The following MRPL37 variants were observed in gnomAD, a reference collection of about 807,000 sequenced individuals.
MRPL37 encodes the protein mitochondrial ribosomal protein L37, also known as large ribosomal subunit protein mL37.
Under a neutral mutation model 44.1 loss-of-function variants are expected in MRPL37, and 34 were observed. That is an observed-to-expected ratio of 0.77 (90% CI 0.59 to 1.03). MRPL37 has a LOEUF of 1.03. Among genes scored for constraint, MRPL37 ranks in the 50% least tolerant of loss-of-function variants. MRPL37 has a pLI of 0.00. For missense variants in MRPL37, 532 were observed against 543.7 expected (o/e 0.98, Z 0.21); for synonymous variants, 212 against 219.5 (o/e 0.97, Z 0.30).
At chr1:54,204,774 C>T (rs58923808) in intron 1 of MRPL37, among the ~76,000 whole-genome samples, 110 of 152,250 alleles carry the variant, frequency 7.2e-4, no homozygotes, top group African/African-American at 2.6e-3. Flanking sequence ...TAGTGGCAGG[C>T]GCTCACCACC....
At chr1:54,201,096 A>G (rs531007753) in intron 1 of MRPL37, among the ~76,000 whole-genome samples, 1 of 152,358 alleles carries the variant, frequency 6.6e-6, no homozygotes, top group Non-Finnish European at 1.5e-5. Context: ...TGACTTTGCC[A>G]AAACCAGCCT....
rs1240476083 is a variant in MRPL37, at chr1:54,205,142, G to A, written c.471G>A (p.Val157=). The change falls in exon 2 of 7, where the codon GTG becomes GTA. Residue 157 remains valine (V), a synonymous_variant. Coordinates refer to ENST00000360840, the MANE Select transcript of MRPL37 (RefSeq NM_016491.4). ...ACCAAGACGAGTGCGTTCTGAATGT[G>A]ATCTCTCACGCCCGTCTCTGGCAGA... ...IENQDECVLN[V]ISHARLWQTT... The A allele has an allele frequency of 6.2e-7, 1 of 1,614,124 alleles. No individual in the cohort carries two copies.
At chr1:54,216,630 G>C (rs1038396660) in intron 6 of MRPL37, among the ~76,000 whole-genome samples, 6 of 152,196 alleles carry the variant, frequency 3.9e-5, no homozygotes, top group African/African-American at 1.4e-4. Context: ...TGTAGGTGCT[G>C]CTCCTTTTGT....
chr1:54,213,713 A>G (rs1264041754), intron 5 of MRPL37, among the ~76,000 whole-genome samples: 3 of 152,222 alleles, frequency 2.0e-5, no homozygotes, highest in Admixed American at 2.0e-4. Context: ...TCAGCGTTTT[A>G]ACAAGCCCCC....
In MRPL37 at chr1:54,205,382, C is replaced by G; in HGVS notation, c.618C>G (p.Asn206Lys). ...PSLARRICVQ[N>K]STFSATWNRE... ...TGGCCAGGAGGATCTGTGTCCAAAA[C>G]TCCACGTTTTCTGCTACCTGGAACC... Residue 206 changes from asparagine (N) to lysine (K), a missense_variant, in exon 3 of 7, where the codon AAC (asparagine) becomes AAG (lysine). Transcript: ENST00000360840. The G allele has an allele frequency of 6.2e-7, 1 of 1,614,092 alleles. No homozygotes were observed. The highest frequency in any genetic ancestry group is 8.5e-7 in the Non-Finnish European group (1 of 1,179,988).
At chr1:54,217,537 G>A (rs946441413) in intron 6 of MRPL37, among the ~76,000 whole-genome samples, 1 of 152,200 alleles carries the variant, frequency 6.6e-6, no homozygotes, top group African/African-American at 2.4e-5. Context: ...GCTCCAGCCC[G>A]ATCTTGCCCT....
downstream of MRPL37, among the ~76,000 whole-genome samples, chr1:54,220,347 G>T (rs1404480002): frequency 6.6e-6 from 1 of 152,214 alleles, no homozygotes; most frequent in African/African-American, 2.4e-5. Context: ...TTGCCGGGCA[G>T]GCCTGGGCAG....
At chr1:54,203,449 G>A (rs918602298) in intron 1 of MRPL37, among the ~76,000 whole-genome samples, 6 of 150,710 alleles carry the variant, frequency 4.0e-5, no homozygotes, top group African/African-American at 1.2e-4. Flanking sequence ...TTCATGATGT[G>A]AGGTTCTACT....
In MRPL37 at chr1:54,209,933, T is replaced by G. The variant is rs772507507; in HGVS notation, c.647-13T>G. On this transcript the variant is annotated splice_polypyrimidine_tract_variant and intron_variant, in intron 3 of 6. Transcript: ENST00000360840. ...TAGTACCAGGTTAGAGTAACCATTT[T>G]TCTCCCTTTTAGAGTCTCTTCTCCT... 1.9e-6 allele frequency: 3 copies of G among 1,612,960 alleles called. No individual in the cohort carries two copies. Among genetic ancestry groups the G allele is most frequent in the Non-Finnish European group, 1.7e-6 (2 of 1,179,512 alleles).
intron 6 of MRPL37, among the ~76,000 whole-genome samples, chr1:54,217,837 G>A (rs375966059): frequency 3.9e-5 from 6 of 152,300 alleles, no homozygotes; most frequent in East Asian, 1.9e-4. Context: ...AAGCAAGCAG[G>A]TGCCCAATAA....
chr1:54,220,486 G>A, downstream of MRPL37: 1 of 375,486 alleles, frequency 2.7e-6, no homozygotes, highest in Non-Finnish European at 5.5e-6. Flanking sequence ...CTGCAAAGTG[G>A]GGCAGGCAGG....
chr1:54,219,065 G>T (rs1298159447), downstream of MRPL37, among the ~76,000 whole-genome samples: 1 of 152,202 alleles, frequency 6.6e-6, no homozygotes, highest in Non-Finnish European at 1.5e-5. Flanking sequence ...TGTGGAGAGC[G>T]AAGGCAGCAG....
chr1:54,221,969 T>C (rs1020139949), downstream of MRPL37, among the ~76,000 whole-genome samples: 4 of 152,112 alleles, frequency 2.6e-5, no homozygotes, highest in African/African-American at 9.7e-5. Context: ...CTCCTTTGGA[T>C]TGGCAGTAGC....
At chr1:54,218,141 G>A (rs1644210332) in intron 6 of MRPL37, 31 bp from the exon 7 acceptor site, 2 of 1,576,378 alleles carry the variant, frequency 1.3e-6, no homozygotes, top group Non-Finnish European at 1.7e-6. Flanking sequence ...AAACCTAGTA[G>A]CAGGATCCTA....
In MRPL37 at chr1:54,205,011, C is replaced by T; in HGVS notation, c.347-7C>T. 1.9e-6 allele frequency: 3 copies of T among 1,609,144 alleles called. No homozygotes were observed. Among genetic ancestry groups the T allele is most frequent in the Non-Finnish European group, 2.5e-6 (3 of 1,177,602 alleles). On this transcript the variant is annotated splice_region_variant and splice_polypyrimidine_tract_variant and intron_variant, in intron 1 of 6. Coordinates refer to ENST00000360840, the MANE Select transcript of MRPL37 (RefSeq NM_016491.4). ...CTTCTTTATTTTTGTGGCTAATTAC[C>T]TCAAAGGTGTAAAGCAGGCCCTCTG...
chr1:54,205,528 G>C, intron 3 of MRPL37, 118 bp downstream of exon 3: 1 of 815,600 alleles, frequency 1.2e-6, no homozygotes, highest in Non-Finnish European at 1.9e-6. Flanking sequence ...CCCATCATTC[G>C]TGGTCTCGTT....
downstream of MRPL37, among the ~76,000 whole-genome samples, chr1:54,223,546 G>C (rs1033360593): frequency 6.6e-6 from 1 of 152,190 alleles, no homozygotes; most frequent in Non-Finnish European, 1.5e-5. Flanking sequence ...TGGTGTCAGC[G>C]ACTTGCCTTA....
Position 54,200,321 on chromosome 1 carries a change from G to C in MRPL37, c.78G>C (p.Pro26=). The change falls in exon 1 of 7, where the codon CCG becomes CCC. Residue 26 remains proline, a synonymous_variant. Transcript: ENST00000360840. ...GQLGLGGFGA[P]RRGAYEWGVR... The stretch of plus-strand genomic sequence containing the variant: ...TCGGCCTTGGGGGCTTCGGGGCCCC[G>C]AGACGCGGGGCGTATGAGTGGGGCG... The C allele has an allele frequency of 6.2e-7, 1 of 1,613,560 alleles. No individual in the cohort carries two copies. The highest frequency in any genetic ancestry group is 8.5e-7 in the Non-Finnish European group (1 of 1,179,862).
At chr1:54,215,366 C>T (rs1041652378) in intron 5 of MRPL37, among the ~76,000 whole-genome samples, 1 of 152,186 alleles carries the variant, frequency 6.6e-6, no homozygotes, top group African/African-American at 2.4e-5. Flanking sequence ...TGATGTAAAA[C>T]TGGCAAGATG....
Sources: allele counts gnomAD v4.1 joint callset (sites outside exome capture counted in the v4.1 genomes callset), GRCh38; gene constraint gnomAD v4.1.1; transcripts MANE v1.5; gene names NCBI Gene and HGNC (gene_info 2026-07-23, HGNC 2026-07-21).